Variants in WDFY4 observed in about 807,000 individuals in gnomAD.
WDFY4 encodes the protein WD repeat- and FYVE domain-containing protein 4.
WDFY4 carries 169 observed loss-of-function variants against 351.9 expected under a neutral mutation model. The ratio of observed to expected loss-of-function variants is 0.48; its 90% CI spans 0.42 to 0.55. The LOEUF (loss-of-function observed/expected upper bound fraction) is 0.55. WDFY4 is among the 20% of genes least tolerant of loss of function. WDFY4 has a pLI of 0.00. For synonymous variants in WDFY4, 1,622 were observed against 1,574.6 expected, an observed-to-expected ratio of 1.03 and a Z score of -0.71; for missense variants, 3,803 against 3,935.6, an observed-to-expected ratio of 0.97 and a Z score of 0.90.
chr10:48,967,362 G>A (rs1389335830), intron 55 of WDFY4: 2 of 152,242 alleles, frequency 1.3e-5, no homozygotes, highest in South Asian at 4.1e-4. Context: ...ATGAGAAATA[G>A]GTTGAGCCAG....
intron 1 of WDFY4, among the ~76,000 whole-genome samples, chr10:48,698,522 G>T (rs1437539586): frequency 6.6e-6 from 1 of 152,188 alleles, no homozygotes; most frequent in Non-Finnish European, 1.5e-5. Flanking sequence ...CTTCTGGCAT[G>T]ACACTGAAGA....
At position 48,788,625 on chromosome 10, in the gene WDFY4, G is replaced by A; in HGVS notation, c.3904G>A (p.Asp1302Asn). The A allele has an allele frequency of 1.3e-6, 2 of 1,551,776 alleles. No individual in the cohort carries two copies. Among genetic ancestry groups the A allele is most frequent in the East Asian group, 2.4e-5 (1 of 40,928 alleles). Residue 1302 changes from aspartate to asparagine, a missense_variant, in exon 21 of 62, where the codon GAC (aspartate) becomes AAC (asparagine). Asp to Asn is a conservative substitution (Grantham distance 23). Transcript: ENST00000325239. ...CAGCTCCTCTATCACCAGTGTAGCG[G>A]ACATCAGAAATGCTTACAATGAGGT... ...IASSSITSVADIRNAYNEVDS... is the reference protein window; with the variant it reads ...IASSSITSVANIRNAYNEVDS...
At chr10:48,705,160 A>G (rs2063593390) in intron 1 of WDFY4, among the ~76,000 whole-genome samples, 1 of 152,208 alleles carries the variant, frequency 6.6e-6, no homozygotes, top group Non-Finnish European at 1.5e-5. Flanking sequence ...GTTGATTTTT[A>G]TGAAAAATGC....
chr10:48,823,524 C>G (rs2067898739), intron 35 of WDFY4: 1 of 1,121,244 alleles, frequency 8.9e-7, no homozygotes, highest in African/African-American at 1.6e-5. Context: ...GCCATCTTCA[C>G]TTGTCTGATG....
intron 45 of WDFY4, among the ~76,000 whole-genome samples, chr10:48,898,228 A>G (rs1837186740): frequency 6.6e-6 from 1 of 152,204 alleles, no homozygotes; most frequent in African/African-American, 2.4e-5. Context: ...CACTTCACAG[A>G]TAGATCACAC....
rs115063472 is a variant in WDFY4 at position 48,717,471 on chromosome 10, C to T, written c.235-2540C>T. 8.4e-3 allele frequency among the ~76,000 whole-genome samples: 1,284 copies of T among 152,182 alleles called. 23 individuals are homozygous for T. The highest frequency in any genetic ancestry group is 0.029 in the African/African-American group (1,188 of 41,506). ...ACAAACCAGTATATAATAAATAAAA[C>T]ATTTCAGGTAAACCAAGCTCCCTGT... On this transcript the variant is annotated intron_variant, in intron 2 of 61. Coordinates refer to ENST00000325239, the MANE Select transcript of WDFY4 (RefSeq NM_001394531.1).
At chr10:48,953,684 C>G (rs996499997) in intron 51 of WDFY4, among the ~76,000 whole-genome samples, 9 of 152,188 alleles carry the variant, frequency 5.9e-5, no homozygotes, top group African/African-American at 2.2e-4. Flanking sequence ...ACTTCCATAT[C>G]CAGATGTGGC....
At chr10:48,781,971 G>A (rs2066241025) in intron 19 of WDFY4, among the ~76,000 whole-genome samples, 1 of 152,216 alleles carries the variant, frequency 6.6e-6, no homozygotes, top group East Asian at 1.9e-4. Context: ...TAAGGAGTTA[G>A]GAGTGGCTTG....
rs73296632 is a variant in WDFY4 at position 48,921,977 on chromosome 10, G to A, written c.7587-19829G>A. On this transcript the variant is annotated intron_variant, in intron 47 of 61. Transcript: ENST00000325239. ...TTTTCCCAACTAAGTATTTACCCTA[G>A]AAAAGTAAAATTCCATGTTCATACT... 9.7e-3 allele frequency among the ~76,000 whole-genome samples: 1,477 copies of A among 152,180 alleles called. 23 individuals carry two copies. Among genetic ancestry groups the A allele is most frequent in the African/African-American group, 0.034 (1,393 of 41,526 alleles).
intron 43 of WDFY4, among the ~76,000 whole-genome samples, chr10:48,887,397 T>C (rs1030317056): frequency 6.6e-6 from 1 of 152,192 alleles, no homozygotes; most frequent in African/African-American, 2.4e-5. Flanking sequence ...GGAGTGTAAA[T>C]TAGTGTCACC....
In WDFY4 at chr10:48,787,893, C is replaced by CTT. The variant is rs2066496734; in HGVS notation, c.3809-637_3809-636insTT. 6.0e-4 allele frequency among the ~76,000 whole-genome samples: 29 copies of CTT among 48,146 alleles called. 4 individuals carry two copies. Among genetic ancestry groups the CTT allele is most frequent in the East Asian group, 2.1e-3 (4 of 1,874 alleles). The allele number at this position is 48,146 out of a possible 152,430, so 31.6% of individuals were successfully genotyped here. On this transcript the variant is annotated intron_variant, in intron 20 of 61. Transcript: ENST00000325239. The stretch of plus-strand genomic sequence containing the variant: ...TTTCTTCTTTCTTTCTTCTTCTTCT[C>CTT]CTTCTTCTTCTTCTTCTTCTTCTTC...
At chr10:48,928,055 C>T (rs1219932895) in intron 47 of WDFY4, among the ~76,000 whole-genome samples, 2 of 152,146 alleles carry the variant, frequency 1.3e-5, no homozygotes, top group African/African-American at 4.8e-5. Context: ...TTCCATTCCA[C>T]CCAATGTGTT....
intron 42 of WDFY4, 32 bp from the exon 43 acceptor site, chr10:48,877,001 T>G: frequency 1.4e-6 from 2 of 1,444,048 alleles, no homozygotes; most frequent in African/African-American, 2.9e-5. Flanking sequence ...GTGGCTCCTG[T>G]CAACACCACG....
chr10:48,944,830 T>C (rs1840955428), intron 49 of WDFY4, among the ~76,000 whole-genome samples: 1 of 152,146 alleles, frequency 6.6e-6, no homozygotes, highest in Admixed American at 6.5e-5. Context: ...ATTAGGAGAT[T>C]TCTCCTTTAA....
chr10:48,935,873 G>T (rs759123939), intron 47 of WDFY4, among the ~76,000 whole-genome samples: 2 of 149,918 alleles, frequency 1.3e-5, no homozygotes, highest in East Asian at 3.9e-4. Context: ...CATGAATAAG[G>T]CTGAAATTAT....
At chr10:48,906,967 T>C (rs1837646761) in intron 47 of WDFY4, among the ~76,000 whole-genome samples, 1 of 152,154 alleles carries the variant, frequency 6.6e-6, no homozygotes, top group Non-Finnish European at 1.5e-5. Context: ...GGAACATACT[T>C]TCTCTTGGTG....
Position 48,901,862 on chromosome 10 carries a change from A to G in WDFY4, c.7585A>G (p.Arg2529Gly). Residue 2529 changes from arginine to glycine, a missense_variant and splice_region_variant, in exon 47 of 62, where the codon AGG becomes GGG. By Grantham distance (125) the Arg-to-Gly change is moderately radical (BLOSUM62 -2). Coordinates refer to ENST00000325239, the MANE Select transcript of WDFY4 (RefSeq NM_001394531.1). ...CACCTCGGAGGACACCCTCAGTCTA[A>G]GGTAATGGCGGGTAGCCATGCTGTC... ...KATSEDTLSL[R>G]RYPGSDRIML... 1 of 1,551,470 alleles carries G rather than the reference A, an allele frequency of 6.4e-7. No homozygotes were observed. Among genetic ancestry groups the G allele is most frequent in the Non-Finnish European group, 8.7e-7 (1 of 1,146,788 alleles).
At chr10:48,784,853 T>A (rs2066349945) in intron 19 of WDFY4, among the ~76,000 whole-genome samples, 1 of 100,318 alleles carries the variant, frequency 1.0e-5, no homozygotes, top group Admixed American at 9.0e-5. Flanking sequence ...TCGTTTACTT[T>A]TTTTTTTTTT....
In WDFY4 at chr10:48,826,889, T is replaced by C; in HGVS notation, c.6201T>C (p.Leu2067=). ...ISFLLCLMHC[L]LLLNERSYPE... Reference sequence around the variant, plus strand: ...TCCTCCTGTGTCTCATGCATTGCCTTTTGCTACTCAATGAGAGAAGGTAAG... The same window carrying C: ...TCCTCCTGTGTCTCATGCATTGCCTCTTGCTACTCAATGAGAGAAGGTAAG... Residue 2067 remains leucine (L), a synonymous_variant, in exon 36 of 62, where the codon CTT becomes CTC. Transcript: ENST00000325239. 6.4e-7 allele frequency: 1 copy of C among 1,551,686 alleles called. No individual in the cohort carries two copies. The highest frequency in any genetic ancestry group is 8.7e-7 in the Non-Finnish European group (1 of 1,146,976).
Sources: allele counts gnomAD v4.1 joint callset (sites outside exome capture counted in the v4.1 genomes callset), GRCh38; gene constraint gnomAD v4.1.1; transcripts MANE v1.5; gene names NCBI Gene and HGNC (gene_info 2026-07-23, HGNC 2026-07-21).